Variants in SDHA observed in about 807,000 individuals in gnomAD.
SDHA encodes succinate dehydrogenase complex flavoprotein subunit A.
In SDHA, 48 loss-of-function variants were observed where a neutral mutation model predicts 78.4. That is an observed-to-expected ratio of 0.61 (90% confidence interval 0.49 to 0.78). The LOEUF (loss-of-function observed/expected upper bound fraction) is 0.78, where lower values mean the gene tolerates loss of function less well. SDHA is among the 30% of genes least tolerant of loss of function. SDHA has a pLI of 0.00. For synonymous variants in SDHA, 326 were observed against 353.9 expected (o/e 0.92, Z 0.88); for missense variants, 680 against 892.7 (o/e 0.76, Z 3.04).
the SDHA span, among the ~76,000 whole-genome samples, chr5:263,373 G>C: frequency 6.6e-6 from 1 of 152,194 alleles, no homozygotes; most frequent in Admixed American, 6.5e-5. Flanking sequence ...GGGGGCCTCA[G>C]CACTAGGAAG....
downstream of SDHA, among the ~76,000 whole-genome samples, chr5:260,362 C>A (rs369034134): frequency 3.6e-4 from 3 of 8,294 alleles, no homozygotes; most frequent in East Asian, 4.3e-3. Context: ...AGCTCCGCCT[C>A]CCGCCAGAGC....
intron 1 of SDHA, among the ~76,000 whole-genome samples, chr5:222,864 T>C (rs1734796778): frequency 1.3e-5 from 2 of 152,300 alleles, no homozygotes; most frequent in South Asian, 2.1e-4. Context: ...AAGTTGTAGA[T>C]GTTGGCCAGG....
chr5:232,695 C>T (rs1205382716), intron 7 of SDHA, among the ~76,000 whole-genome samples: 5 of 152,166 alleles, frequency 3.3e-5, no homozygotes, highest in African/African-American at 4.8e-5. Flanking sequence ...GAATCACATT[C>T]GTTTTTTAAA....
chr5:236,590 T>C lies in SDHA; in HGVS notation c.1423T>C (p.Cys475Arg), dbSNP rs781747137. The C allele has an allele frequency of 5.0e-6, 8 of 1,613,968 alleles. No individual in the cohort carries two copies. In the Admixed American group the frequency reaches 8.3e-5, roughly 17 times the overall value. Reference sequence around the variant, plus strand: ...ATGTGCCCTGAGCATCGAAGAGTCATGCAGGCCTGGTAAGTGTTTTCTTCA... The same window carrying C: ...ATGTGCCCTGAGCATCGAAGAGTCACGCAGGCCTGGTAAGTGTTTTCTTCA... ...RACALSIEES[C>R]RPGDKVPPIK... Residue 475 changes from cysteine (C) to arginine (R), a missense_variant, in exon 10 of 15, where the codon TGC (cysteine) becomes CGC (arginine). Cys to Arg is a radical substitution (Grantham distance 180). Transcript: ENST00000264932.
At position 244,625 on chromosome 5, in the gene SDHA, G is replaced by A. The variant is rs150876560; in HGVS notation, c.1551+4149G>A. Among the ~76,000 whole-genome samples, 69 of 152,250 alleles carry A rather than the reference G, an allele frequency of 4.5e-4. No individual in the cohort carries two copies. In the South Asian group the frequency reaches 4.6e-3, roughly 10 times the overall value. On this transcript the variant is annotated intron_variant, in intron 11 of 14. Transcript: ENST00000264932. ...TTAAAGGTTTGGTAGATGCAGGAGC[G>A]GACATTTCAATCATTTCTCTACAGC...
chr5:238,414 A>T (rs1247549354), intron 10 of SDHA, among the ~76,000 whole-genome samples: 2 of 151,452 alleles, frequency 1.3e-5, no homozygotes, highest in Non-Finnish European at 2.9e-5. Context: ...ACCCCCTGCA[A>T]AAAAAAATAC....
chr5:231,330 C>T (rs1385302299), intron 7 of SDHA, among the ~76,000 whole-genome samples: 1 of 151,934 alleles, frequency 6.6e-6, no homozygotes, highest in African/African-American at 2.4e-5. Context: ...GAGGCCAAGG[C>T]GGGCGGATCA....
chr5:259,217 C>A (rs370530008), downstream of SDHA, among the ~76,000 whole-genome samples: 69 of 25,574 alleles, frequency 2.7e-3, no homozygotes, highest in South Asian at 3.0e-3. Flanking sequence ...GCCTCCCGTC[C>A]GAGCATTACC....
At chr5:223,226 G>C (rs1422264614) in intron 1 of SDHA, among the ~76,000 whole-genome samples, 4 of 152,216 alleles carry the variant, frequency 2.6e-5, no homozygotes, top group African/African-American at 9.6e-5. Flanking sequence ...TGAGTATCCT[G>C]TTTGGAAACA....
At chr5:234,425 A>G (rs1735628690) in intron 8 of SDHA, 2 of 142,600 alleles carry the variant, frequency 1.4e-5, no homozygotes, top group South Asian at 4.2e-4. Context: ...TCTCAAAAAA[A>G]AAAAAAAAAA....
intron 11 of SDHA, among the ~76,000 whole-genome samples, chr5:244,657 C>T (rs1385207055): frequency 6.6e-6 from 1 of 152,136 alleles, no homozygotes; most frequent in Non-Finnish European, 1.5e-5. Context: ...CAGCACTGGC[C>T]GTCTGTGTGG....
At chr5:251,159 G>T in intron 12 of SDHA, 56 bp downstream of exon 12, 1 of 1,580,490 alleles carries the variant, frequency 6.3e-7, no homozygotes. Context: ...TGCAGGGTGG[G>T]CTGGTGTCTG....
At chr5:228,158 T>C in intron 5 of SDHA, 27 bp from the exon 6 acceptor site, 2 of 1,598,042 alleles carry the variant, frequency 1.3e-6, no homozygotes, top group Non-Finnish European at 1.7e-6. Context: ...TTAACACTTC[T>C]TGCCCTTTTT....
intron 7 of SDHA, among the ~76,000 whole-genome samples, chr5:232,743 A>G (rs551245218): frequency 6.6e-6 from 1 of 151,718 alleles, no homozygotes; most frequent in South Asian, 2.1e-4. Context: ...TAAAAATTGT[A>G]GCTTTCGAAA....
intron 8 of SDHA, chr5:234,148 A>C (rs1735601578): frequency 5.4e-6 from 1 of 185,928 alleles, no homozygotes; most frequent in Admixed American, 5.3e-5. Flanking sequence ...GGTGGGGCGC[A>C]GTGGCTCACG....
At chr5:258,143 G>T (rs1264243127), downstream of SDHA, among the ~76,000 whole-genome samples, 1 of 78,754 alleles carries the variant, frequency 1.3e-5, no homozygotes, top group Non-Finnish European at 2.2e-5. Flanking sequence ...CTCCGCCCCC[G>T]TTAGAGCATT....
chr5:249,598 C>G (rs1016821618), intron 11 of SDHA: 1 of 152,378 alleles, frequency 6.6e-6, no homozygotes, highest in African/African-American at 2.4e-5. Flanking sequence ...TTTTGTTTCC[C>G]GTAAGGAATA....
the SDHA span, among the ~76,000 whole-genome samples, chr5:263,805 T>G: frequency 6.6e-6 from 1 of 152,200 alleles, no homozygotes; most frequent in African/African-American, 2.4e-5. Context: ...TTTGGCAGCA[T>G]CTAACAAAAG....
intron 10 of SDHA, 78 bp downstream of exon 10, chr5:236,677 A>G: frequency 6.8e-7 from 1 of 1,471,820 alleles, no homozygotes; most frequent in Non-Finnish European, 9.4e-7. Context: ...TTTTTGAGAA[A>G]GGGTCAGCCC....
Sources: allele counts gnomAD v4.1 joint callset (sites outside exome capture counted in the v4.1 genomes callset), GRCh38; gene constraint gnomAD v4.1.1; transcripts MANE v1.5; gene names NCBI Gene and HGNC (gene_info 2026-07-23, HGNC 2026-07-21).